The following HECW1 variants were observed in gnomAD, a reference collection of about 807,000 sequenced individuals.
The protein encoded by HECW1 is E3 ubiquitin-protein ligase HECW1.
A neutral mutation model predicts 182.3 loss-of-function variants in HECW1; 61 were observed. The observed-to-expected ratio is 0.33, with a 90% CI of 0.27 to 0.41. The LOEUF is 0.41. HECW1 is among the 10% of genes least tolerant of loss of function. The pLI, the probability that HECW1 is intolerant of heterozygous loss-of-function variation, is 1.00. For missense variants in HECW1, 1,739 were observed against 2,108.9 expected, an observed-to-expected ratio of 0.82 and a Z score of 3.44; for synonymous variants, 859 against 832.6, an observed-to-expected ratio of 1.03 and a Z score of -0.55.
At chr7:43,329,515 A>G (rs1562843926) in intron 5 of HECW1, among the ~76,000 whole-genome samples, 1 of 151,920 alleles carries the variant, frequency 6.6e-6, no homozygotes, top group Non-Finnish European at 1.5e-5. Flanking sequence ...GAGGCTTAGG[A>G]GGTAAGATCA....
At chr7:43,196,510 C>T (rs1216173849) in intron 2 of HECW1, among the ~76,000 whole-genome samples, 2 of 152,128 alleles carry the variant, frequency 1.3e-5, no homozygotes, top group Non-Finnish European at 2.9e-5. Context: ...TCTCATTCAG[C>T]GTTGGAGTCC....
At chr7:43,487,679 C>T (rs1022436149) in intron 17 of HECW1, among the ~76,000 whole-genome samples, 3 of 152,106 alleles carry the variant, frequency 2.0e-5, no homozygotes, top group South Asian at 4.1e-4. Flanking sequence ...CAAAGCAGGC[C>T]GCGGATGGTG....
At chr7:43,251,814 G>T (rs750559175) in intron 3 of HECW1, among the ~76,000 whole-genome samples, 2 of 152,090 alleles carry the variant, frequency 1.3e-5, no homozygotes, top group African/African-American at 4.8e-5. Context: ...TAGCTGAAGC[G>T]CATGTTATTT....
Position 43,444,156 on chromosome 7 carries a change from G to C in HECW1, c.1046-62G>C. The C allele has an allele frequency of 6.7e-7, 1 of 1,489,944 alleles. No homozygotes were observed. The highest frequency in any genetic ancestry group is 2.3e-5 in the East Asian group (1 of 43,916). The allele number at this position is 1,489,944 out of a possible 1,614,324, so 92.3% of individuals were successfully genotyped here. ...AGTGATGGCTTACATGTCCCACAGGGTATCCTAACACCACAATGCTCTCTT... is the reference window on the plus strand; with the variant it reads ...AGTGATGGCTTACATGTCCCACAGGCTATCCTAACACCACAATGCTCTCTT... On this transcript the variant is annotated intron_variant, in intron 10 of 29. Coordinates refer to ENST00000395891, the MANE Select transcript of HECW1 (RefSeq NM_015052.5). The surrounding 1 kb of genome is among the most constrained non-coding windows in gnomAD (Gnocchi z 4.3).
At chr7:43,355,770 C>T (rs1815049486) in intron 5 of HECW1, among the ~76,000 whole-genome samples, 1 of 152,114 alleles carries the variant, frequency 6.6e-6, no homozygotes, top group African/African-American at 2.4e-5. Flanking sequence ...GCAGGCAGAT[C>T]ATGAGGTCAA....
At chr7:43,359,108 G>A (rs13229419) in intron 5 of HECW1, among the ~76,000 whole-genome samples, 25,333 of 152,128 alleles carry the variant, frequency 0.17, 2,807 homozygotes, top group Non-Finnish European at 0.25. Context: ...TTACAGGCGT[G>A]AGCCACCGTG....
At chr7:43,541,301 C>T (rs765554109) in intron 25 of HECW1, 40 bp downstream of exon 25, 2 of 1,494,840 alleles carry the variant, frequency 1.3e-6, no homozygotes, top group Admixed American at 1.7e-5. Context: ...CCAGCCCTGT[C>T]TGCAGGGCAA....
Position 43,249,986 on chromosome 7 carries a change from A to G in HECW1, c.27+6054A>G, listed in dbSNP as rs563358937. Reference sequence around the variant, plus strand: ...GGGTCCCGGGCCTGTTTGCTTAGCTATGCTTTCTTAATGCAGGTTCTTGCT... The same window carrying G: ...GGGTCCCGGGCCTGTTTGCTTAGCTGTGCTTTCTTAATGCAGGTTCTTGCT... On this transcript the variant is annotated intron_variant, in intron 3 of 29. Transcript: ENST00000395891. 4.6e-5 allele frequency among the ~76,000 whole-genome samples: 7 copies of G among 152,186 alleles called. No homozygotes were observed. The East Asian group carries it at 7.7e-4, about 17-fold the overall frequency.
chr7:43,344,645 ATATTT>A (rs1813442797), intron 5 of HECW1, among the ~76,000 whole-genome samples: 1 of 151,636 alleles, frequency 6.6e-6, no homozygotes, highest in African/African-American at 2.4e-5. Flanking sequence ...TCAGTTACCT[ATATTT>A]TAGACTATCT....
intron 18 of HECW1, among the ~76,000 whole-genome samples, chr7:43,492,643 G>A (rs956570791): frequency 4.6e-5 from 7 of 152,134 alleles, no homozygotes; most frequent in African/African-American, 1.4e-4. Flanking sequence ...TGAAATGAGA[G>A]CATCTAAATG....
At chr7:43,382,072 T>C (rs549048567) in intron 6 of HECW1, among the ~76,000 whole-genome samples, 74 of 152,098 alleles carry the variant, frequency 4.9e-4, no homozygotes, top group African/African-American at 1.7e-3. Flanking sequence ...GATCACGAGG[T>C]CAGGAGAGCG....
At chr7:43,197,218 A>AT (rs982146521) in intron 2 of HECW1, among the ~76,000 whole-genome samples, 6 of 152,154 alleles carry the variant, frequency 3.9e-5, no homozygotes, top group African/African-American at 1.2e-4. Context: ...GGAAAAAAAA[A>AT]GGAAAATCTC....
At chr7:43,496,873 A>G (rs1255365309) in intron 19 of HECW1, among the ~76,000 whole-genome samples, 1 of 152,198 alleles carries the variant, frequency 6.6e-6, no homozygotes, top group African/African-American at 2.4e-5. Context: ...GTGGTCCTTC[A>G]ACTAGTGCTT....
chr7:43,247,945 A>G (rs1387397551), intron 3 of HECW1, among the ~76,000 whole-genome samples: 4 of 141,114 alleles, frequency 2.8e-5, no homozygotes, highest in South Asian at 4.7e-4. Context: ...GAGAGAGAAA[A>G]AAGGAGGGAA....
chr7:43,253,129 TTAA>T (rs1800209865), intron 3 of HECW1, among the ~76,000 whole-genome samples: 1 of 118,746 alleles, frequency 8.4e-6, no homozygotes, highest in African/African-American at 5.3e-5. Flanking sequence ...CATCCGCACT[TTAA>T]AAAAAAAAAA....
At chr7:43,402,460 G>A (rs2075459286) in intron 7 of HECW1, among the ~76,000 whole-genome samples, 1 of 152,136 alleles carries the variant, frequency 6.6e-6, no homozygotes, top group Non-Finnish European at 1.5e-5. Context: ...TATTTCACAA[G>A]TTCTAAGGGG....
At chr7:43,119,833 C>T (rs933579567) in intron 2 of HECW1, among the ~76,000 whole-genome samples, 5 of 152,168 alleles carry the variant, frequency 3.3e-5, no homozygotes, top group Non-Finnish European at 5.9e-5. Context: ...ATCTCTGTCC[C>T]TTCTCTCTCC....
At chr7:43,325,779 T>C (rs755150765) in intron 5 of HECW1, among the ~76,000 whole-genome samples, 19 of 152,174 alleles carry the variant, frequency 1.2e-4, no homozygotes, top group Non-Finnish European at 4.4e-5. Context: ...CGGGTCAGTC[T>C]TAGGCTCGGC....
chr7:43,382,292 GA>G (rs1439853227), intron 6 of HECW1, among the ~76,000 whole-genome samples: 314 of 128,874 alleles, frequency 2.4e-3, no homozygotes, highest in Middle Eastern at 0.012. Context: ...TCTCAAAAAA[GA>G]AAAAAAAAAA....
Sources: allele counts gnomAD v4.1 joint callset (sites outside exome capture counted in the v4.1 genomes callset), GRCh38; gene constraint gnomAD v4.1.1; non-coding constraint Gnocchi (gnomAD v3.1); transcripts MANE v1.5; gene names NCBI Gene and HGNC (gene_info 2026-07-23, HGNC 2026-07-21).